CREB5: variants seen among roughly 807,000 people sequenced by gnomAD.
The protein encoded by CREB5 is cyclic AMP-responsive element-binding protein 5.
In CREB5, 19 loss-of-function variants were observed where a neutral mutation model predicts 57.1. The observed-to-expected ratio is 0.33, with a 90% CI of 0.23 to 0.49. The LOEUF is 0.49. CREB5 is among the 20% of genes least tolerant of loss of function. CREB5 has a pLI of 0.99. For synonymous variants in CREB5, 238 were observed against 238.3 expected, an observed-to-expected ratio of 1.00 and a Z score of 0.01; for missense variants, 579 against 671.6, an observed-to-expected ratio of 0.86 and a Z score of 1.52.
Position 28,371,314 on chromosome 7 carries a change from C to CA in CREB5, c.-25+71881dup, listed in dbSNP as rs575263235. Among the ~76,000 whole-genome samples, 9 of 151,088 alleles carry CA rather than the reference C, an allele frequency of 6.0e-5. No homozygotes were observed. The South Asian group carries it at 6.3e-4, about 11-fold the overall frequency. On this transcript the variant is annotated intron_variant, in intron 1 of 9. Transcript: ENST00000396299. The stretch of plus-strand genomic sequence containing the variant: ...TGAAAGCCCATCTCTACTAAAAATA[C>CA]AAAAAAAAGTAAATAAATAAAAATA...
At chr7:28,511,603 G>A (rs942315576) in intron 4 of CREB5, among the ~76,000 whole-genome samples, 3 of 152,184 alleles carry the variant, frequency 2.0e-5, no homozygotes, top group Non-Finnish European at 4.4e-5. Context: ...TCCCACCTCA[G>A]CCTCCCAAGT....
At chr7:28,301,865 T>A (rs1485578068) in intron 1 of CREB5, among the ~76,000 whole-genome samples, 1 of 152,220 alleles carries the variant, frequency 6.6e-6, no homozygotes, top group African/African-American at 2.4e-5. Flanking sequence ...AAAGAATTTC[T>A]TTGGATTTGA....
At chr7:28,715,830 A>G (rs6950574) in intron 5 of CREB5, among the ~76,000 whole-genome samples, 46,967 of 151,968 alleles carry the variant, frequency 0.31, 7,512 homozygotes, top group Middle Eastern at 0.36. Flanking sequence ...TCCCTTCTAT[A>G]CACTACTAAT....
At chr7:28,521,433 A>G (rs1000336422) in intron 4 of CREB5, among the ~76,000 whole-genome samples, 1 of 152,200 alleles carries the variant, frequency 6.6e-6, no homozygotes, top group African/African-American at 2.4e-5. Flanking sequence ...AGGCTCTTTA[A>G]TGAGAGCCAC....
At chr7:28,634,625 A>G (rs989171765) in intron 5 of CREB5, among the ~76,000 whole-genome samples, 14 of 152,080 alleles carry the variant, frequency 9.2e-5, no homozygotes, top group Non-Finnish European at 1.5e-4. Context: ...GTAATCCCAG[A>G]AACATTTAGT....
At chr7:28,308,074 G>A (rs1583659389) in intron 1 of CREB5, among the ~76,000 whole-genome samples, 1 of 152,308 alleles carries the variant, frequency 6.6e-6, no homozygotes, top group East Asian at 1.9e-4. Context: ...CTGGATGAGA[G>A]AGGTAAGAAG....
chr7:28,507,389 A>G (rs1792521576), intron 3 of CREB5, among the ~76,000 whole-genome samples: 1 of 152,240 alleles, frequency 6.6e-6, no homozygotes, highest in Non-Finnish European at 1.5e-5. Flanking sequence ...GAGGGAGTTC[A>G]GCAAAAGCCC....
chr7:28,536,094 C>T (rs755151077), intron 4 of CREB5, among the ~76,000 whole-genome samples: 1 of 152,090 alleles, frequency 6.6e-6, no homozygotes, highest in Non-Finnish European at 1.5e-5. Context: ...CTTGATTTCC[C>T]CATCTATGTT....
chr7:28,481,309 G>A (rs78948648), intron 1 of CREB5, among the ~76,000 whole-genome samples: 4,269 of 152,270 alleles, frequency 0.028, 154 homozygotes, highest in African/African-American at 0.082. Context: ...TGAGCTTTTG[G>A]GATACCAGGG....
chr7:28,460,904 G>T (rs1790323528), intron 1 of CREB5, among the ~76,000 whole-genome samples: 1 of 151,926 alleles, frequency 6.6e-6, no homozygotes, highest in African/African-American at 2.4e-5. Context: ...AAAGAGATGT[G>T]GATCTTATGG....
upstream of CREB5, chr7:28,410,238 C>T (rs1302692763): frequency 1.1e-5 from 5 of 454,540 alleles, no homozygotes; most frequent in Admixed American, 7.0e-5. Flanking sequence ...CGGCGAGGCT[C>T]CGTCCGCTCC....
chr7:28,555,413 C>T (rs1047104848), intron 4 of CREB5, among the ~76,000 whole-genome samples: 2 of 152,094 alleles, frequency 1.3e-5, no homozygotes, highest in African/African-American at 4.8e-5. Context: ...CTGACCATAC[C>T]TTTTATCAAT....
At chr7:28,513,333 C>G (rs936973646) in intron 4 of CREB5, 1 of 152,226 alleles carries the variant, frequency 6.6e-6, no homozygotes, top group African/African-American at 2.4e-5. Context: ...TCCCTCCCCC[C>G]AGAAGTATGG....
intron 5 of CREB5, among the ~76,000 whole-genome samples, chr7:28,658,961 A>ATATATATATATATATATG: frequency 7.3e-6 from 1 of 136,824 alleles, no homozygotes; most frequent in Non-Finnish European, 1.6e-5. Flanking sequence ...GTGTATATAT[A>ATATATATATATATATATG]TATATATATA....
chr7:28,555,631 A>G (rs774912853), intron 4 of CREB5, among the ~76,000 whole-genome samples: 1 of 152,230 alleles, frequency 6.6e-6, no homozygotes, highest in Non-Finnish European at 1.5e-5. Flanking sequence ...TAACTGGACA[A>G]CACTCAAATA....
chr7:28,677,729 C>T (rs886644267), intron 5 of CREB5, among the ~76,000 whole-genome samples: 4 of 152,020 alleles, frequency 2.6e-5, no homozygotes, highest in Non-Finnish European at 2.9e-5. Flanking sequence ...AGGAATTGGC[C>T]GAGTGTGGTG....
At chr7:28,331,149 G>A (rs1166692371) in intron 1 of CREB5, among the ~76,000 whole-genome samples, 1 of 151,984 alleles carries the variant, frequency 6.6e-6, no homozygotes, top group Non-Finnish European at 1.5e-5. Context: ...ATGGTTCTTA[G>A]TTTTGAGGGA....
In CREB5 at chr7:28,325,196, C is replaced by T. The variant is rs746635492; in HGVS notation, c.-25+25755C>T. 4.5e-4 allele frequency among the ~76,000 whole-genome samples: 68 copies of T among 152,220 alleles called. 2 individuals are homozygous for T. The highest frequency in any genetic ancestry group is 9.8e-4 in the Admixed American group (15 of 15,286). On this transcript the variant is annotated intron_variant, in intron 1 of 9. Coordinates refer to the CREB5 transcript ENST00000396299. ...ATCAGGCCGGGCGCAGTGGCTCACG[C>T]CTATAATCCCAGCACTTTGGGAGGC...
intron 4 of CREB5, among the ~76,000 whole-genome samples, chr7:28,519,034 C>A (rs1176647713): frequency 6.6e-6 from 1 of 152,172 alleles, no homozygotes; most frequent in Non-Finnish European, 1.5e-5. Context: ...ATCACTAGAG[C>A]ATCTCACTTT....
Sources: allele counts gnomAD v4.1 joint callset (sites outside exome capture counted in the v4.1 genomes callset), GRCh38; gene constraint gnomAD v4.1.1; transcripts MANE v1.5; gene names NCBI Gene and HGNC (gene_info 2026-07-23, HGNC 2026-07-21).